EVC: variants seen among roughly 807,000 people sequenced by gnomAD.
The protein encoded by EVC is EvC ciliary complex subunit 1.
Under a neutral mutation model 118.9 loss-of-function variants are expected in EVC, and 116 were observed. That is an observed-to-expected ratio of 0.98 (90% confidence interval 0.84 to 1.14). The LOEUF (loss-of-function observed/expected upper bound fraction) is 1.14, where lower values mean the gene tolerates loss of function less well. EVC is among the 50% of genes most tolerant of loss of function. The probability of loss-of-function intolerance (pLI) is 0.00; values close to 1 mark genes in which losing one functional copy is unlikely to be tolerated. For synonymous variants in EVC, 619 were observed against 534.7 expected (o/e 1.16, Z -2.18); for missense variants, 1,401 against 1,246.4 (o/e 1.12, Z -1.87).
In EVC at chr4:5,726,938, A is replaced by G. The variant is rs1725951583; in HGVS notation, c.301-2369A>G. ...ATGGTTGCATAGTATTCCATGGTGT[A>G]TATGTGACACATTTTCTTAATCCAG... On this transcript the variant is annotated intron_variant, in intron 2 of 20. Coordinates refer to ENST00000264956, the MANE Select transcript of EVC (RefSeq NM_153717.3). Among the ~76,000 whole-genome samples the G allele has an allele frequency of 1.3e-5, 2 of 151,992 alleles. 1 individual carries two copies. The highest frequency in any genetic ancestry group is 4.8e-5 in the African/African-American group (2 of 41,372).
intron 2 of EVC, among the ~76,000 whole-genome samples, chr4:5,728,714 G>T (rs1048183355): frequency 6.6e-6 from 1 of 152,090 alleles, no homozygotes; most frequent in Non-Finnish European, 1.5e-5. Flanking sequence ...TTTGTTTAAG[G>T]GTCTAATCCC....
At chr4:5,722,544 C>A (rs541459488) in intron 2 of EVC, among the ~76,000 whole-genome samples, 3 of 152,254 alleles carry the variant, frequency 2.0e-5, no homozygotes, top group African/African-American at 7.2e-5. Context: ...TCCTGCCACG[C>A]CTTGGATGAC....
chr4:5,770,501 A>G (rs1421503225), intron 11 of EVC, among the ~76,000 whole-genome samples: 1 of 152,098 alleles, frequency 6.6e-6, no homozygotes, highest in Non-Finnish European at 1.5e-5. Context: ...GTTCAAGGTC[A>G]CTCAGCTGGG....
the EVC span, among the ~76,000 whole-genome samples, chr4:5,820,118 C>T: frequency 6.6e-6 from 1 of 152,216 alleles, no homozygotes; most frequent in Admixed American, 6.5e-5. Context: ...AGTTATTGAT[C>T]TCACTCTGAG....
intron 12 of EVC, among the ~76,000 whole-genome samples, chr4:5,786,280 A>C (rs1711577248): frequency 6.6e-6 from 1 of 152,220 alleles, no homozygotes; most frequent in African/African-American, 2.4e-5. Context: ...GGAATCCAGA[A>C]TTTCATTTCT....
chr4:5,807,959 A>G (rs995373134), intron 17 of EVC, among the ~76,000 whole-genome samples: 1 of 152,188 alleles, frequency 6.6e-6, no homozygotes, highest in South Asian at 2.1e-4. Flanking sequence ...CGAAGATCAC[A>G]TGCAAAGTGT....
At chr4:5,758,309 G>A in intron 11 of EVC, 1 of 560,358 alleles carries the variant, frequency 1.8e-6, no homozygotes, top group Non-Finnish European at 3.1e-6. Context: ...TTGTCTTAAT[G>A]CACCCAGTTT....
intron 13 of EVC, among the ~76,000 whole-genome samples, chr4:5,795,435 T>G (rs546425381): frequency 6.6e-6 from 1 of 152,290 alleles, no homozygotes; most frequent in Admixed American, 6.5e-5. Flanking sequence ...GCAGATCGCC[T>G]GAGCTCAGGA....
At position 5,797,032 on chromosome 4, in the gene EVC, T is replaced by C; in HGVS notation, c.1897T>C (p.Cys633Arg). Residue 633 changes from cysteine to arginine, a missense_variant, in exon 14 of 21, where the codon TGT becomes CGT. By Grantham distance (180) the Cys-to-Arg change is radical (BLOSUM62 -3). Coordinates refer to ENST00000264956, the MANE Select transcript of EVC (RefSeq NM_153717.3). The part of the protein sequence containing the change: ...LGGLTEESTR[C>R]VLQGHDLLLR... ...CTGCTTTCCTCAAAGGTCCACGCGG[T>C]GTGTCCTGCAGGGGCATGACCTGCT... The C allele has an allele frequency of 6.2e-7, 1 of 1,612,816 alleles. No individual in the cohort carries two copies. Among genetic ancestry groups the C allele is most frequent in the Non-Finnish European group, 8.5e-7 (1 of 1,179,678 alleles).
chr4:5,755,968 T>C lies in EVC; in HGVS notation c.1465-296T>C, dbSNP rs937685472. On this transcript the variant is annotated intron_variant, in intron 10 of 20. Transcript: ENST00000264956. This position sits in a 1 kb window ranked among gnomAD's most constrained non-coding sequence, Gnocchi z 4.1. ...GCCTGGGTGGTCAGAAAGTGATGTC[T>C]GGGTGGCTGCAGCCAGGACAGAGGA... Among the ~76,000 whole-genome samples, 1 of 152,186 alleles carries C rather than the reference T, an allele frequency of 6.6e-6. No homozygotes were observed. The highest frequency in any genetic ancestry group is 1.5e-5 in the Non-Finnish European group (1 of 68,032).
intron 12 of EVC, among the ~76,000 whole-genome samples, chr4:5,788,591 A>G (rs1712154348): frequency 6.6e-6 from 1 of 152,200 alleles, no homozygotes; most frequent in Non-Finnish European, 1.5e-5. Context: ...AAATTAGGGC[A>G]AAAACCTTGG....
downstream of EVC, among the ~76,000 whole-genome samples, chr4:5,815,207 C>T (rs530773236): frequency 3.3e-5 from 5 of 152,158 alleles, no homozygotes; most frequent in East Asian, 3.9e-4. Flanking sequence ...AGCCCACTCC[C>T]GGGTCTCGGT....
At chr4:5,795,761 C>A (rs10937678) in intron 13 of EVC, among the ~76,000 whole-genome samples, 44,799 of 152,154 alleles carry the variant, frequency 0.29, 7,339 homozygotes, top group South Asian at 0.54. Context: ...GAATTTGTCT[C>A]GCCTGAAAAC....
chr4:5,810,408 A>G lies in EVC; in HGVS notation c.2852A>G (p.Asn951Ser). 1 of 1,613,646 alleles carries G rather than the reference A, an allele frequency of 6.2e-7. No individual in the cohort carries two copies. Residue 951 changes from asparagine to serine, a missense_variant, in exon 20 of 21, where the codon AAT (asparagine) becomes AGT (serine). Transcript: ENST00000264956. ...QERGDLGVPNNEDLASGDQTS... is the reference protein window; with the variant it reads ...QERGDLGVPNSEDLASGDQTS... Reference sequence around the variant, plus strand: ...AGAGGGGACCTGGGGGTGCCCAACAATGAGGACCTTGCCTCCGGGGACCAG... The same window carrying G: ...AGAGGGGACCTGGGGGTGCCCAACAGTGAGGACCTTGCCTCCGGGGACCAG...
chr4:5,825,998 C>G, the EVC span: 2,042 of 347,980 alleles, frequency 5.9e-3, 11 homozygotes, highest in Non-Finnish European at 8.8e-3. This position sits in a 1 kb window ranked among gnomAD's most constrained non-coding sequence, Gnocchi z 4.4. Context: ...GTAGCATACA[C>G]GCGTGAACAC....
In EVC at chr4:5,783,708, C is replaced by G. The variant is rs141820870; in HGVS notation, c.1720C>G (p.Arg574Gly). Residue 574 changes from arginine (R) to glycine (G), a missense_variant, in exon 12 of 21, where the codon CGC becomes GGC. Arg to Gly is a moderately radical substitution (Grantham distance 125, BLOSUM62 -2). Transcript: ENST00000264956. ...TGCCTGGCAGCTGGGGAAGTCAAAT[C>G]GCTTCCGGAGGCAGCAGTGGAAACT... ...NAAWQLGKSNRFRRQQWKLFQ... is the reference protein window; with the variant it reads ...NAAWQLGKSNGFRRQQWKLFQ... 129 of 1,613,982 alleles carry G rather than the reference C, an allele frequency of 8.0e-5. No homozygotes were observed. In the East Asian group the frequency reaches 1.5e-3, roughly 19 times the overall value.
At chr4:5,734,456 A>G (rs191500784) in intron 5 of EVC, among the ~76,000 whole-genome samples, 134 of 152,212 alleles carry the variant, frequency 8.8e-4, no homozygotes, top group Admixed American at 7.9e-3. Flanking sequence ...CCTGGGCAAC[A>G]TGGCAAAACC....
chr4:5,739,829 G>GC, intron 5 of EVC, among the ~76,000 whole-genome samples: 2 of 151,688 alleles, frequency 1.3e-5, no homozygotes, highest in South Asian at 2.1e-4. Context: ...ACTTTGGGAG[G>GC]TGGAGGCAGG....
intron 2 of EVC, among the ~76,000 whole-genome samples, chr4:5,722,474 C>A (rs527663347): frequency 6.6e-6 from 1 of 152,232 alleles, no homozygotes; most frequent in African/African-American, 2.4e-5. Context: ...TGCTTTGGCC[C>A]AGTGGATCGA....
Sources: allele counts gnomAD v4.1 joint callset (sites outside exome capture counted in the v4.1 genomes callset), GRCh38; gene constraint gnomAD v4.1.1; non-coding constraint Gnocchi (gnomAD v3.1); transcripts MANE v1.5; gene names NCBI Gene and HGNC (gene_info 2026-07-23, HGNC 2026-07-21).